Variants in GPR158 observed in about 807,000 individuals in gnomAD.
The protein encoded by GPR158 is G protein-coupled receptor 158.
In GPR158, 30 loss-of-function variants were observed where a neutral mutation model predicts 78.2. The ratio of observed to expected loss-of-function variants is 0.38; its 90% CI spans 0.29 to 0.52. The LOEUF (loss-of-function observed/expected upper bound fraction) is 0.52, where lower values mean the gene tolerates loss of function less well. Among genes scored for constraint, GPR158 ranks in the 20% least tolerant of loss-of-function variants. The probability of loss-of-function intolerance (pLI) is 0.83; values close to 1 mark genes in which losing one functional copy is unlikely to be tolerated. For missense variants in GPR158, 1,463 were observed against 1,523.5 expected, an observed-to-expected ratio of 0.96 and a Z score of 0.66; for synonymous variants, 581 against 591.1, an observed-to-expected ratio of 0.98 and a Z score of 0.25.
intron 2 of GPR158, among the ~76,000 whole-genome samples, chr10:25,370,069 T>C (rs1300927008): frequency 6.7e-6 from 1 of 149,754 alleles, no homozygotes; most frequent in Non-Finnish European, 1.5e-5. Context: ...TTTTTCTTTA[T>C]TAGTCTTGCT....
chr10:25,584,779 A>G (rs1446622868), intron 7 of GPR158, among the ~76,000 whole-genome samples: 2 of 152,214 alleles, frequency 1.3e-5, no homozygotes, highest in Non-Finnish European at 1.5e-5. Context: ...TAGATCACTT[A>G]TAAGCCTGTT....
intron 1 of GPR158, among the ~76,000 whole-genome samples, chr10:25,191,426 A>G (rs1852770577): frequency 6.6e-6 from 1 of 152,218 alleles, no homozygotes. Context: ...GGGCATAAAG[A>G]TCACCTGAAG....
At chr10:25,415,033 G>GGATC (rs1452005788) in intron 4 of GPR158, among the ~76,000 whole-genome samples, 1 of 152,004 alleles carries the variant, frequency 6.6e-6, no homozygotes, top group African/African-American at 2.4e-5. Context: ...AAATTAAAAT[G>GGATC]GATCATAGAT....
intron 2 of GPR158, among the ~76,000 whole-genome samples, chr10:25,282,077 C>A (rs906497372): frequency 6.6e-6 from 1 of 152,130 alleles, no homozygotes; most frequent in Non-Finnish European, 1.5e-5. Context: ...AATCAAGCAA[C>A]AAAACAGGTC....
intron 4 of GPR158, among the ~76,000 whole-genome samples, chr10:25,432,486 A>G (rs184211251): frequency 1.2e-3 from 181 of 152,330 alleles, no homozygotes; most frequent in African/African-American, 4.2e-3. Flanking sequence ...ATATATGTAC[A>G]TATACTTATA....
intron 2 of GPR158, among the ~76,000 whole-genome samples, chr10:25,239,467 G>A (rs1008359955): frequency 6.6e-6 from 1 of 152,062 alleles, no homozygotes; most frequent in Non-Finnish European, 1.5e-5. Flanking sequence ...AATGAGCCGG[G>A]CATGGTGGCA....
chr10:25,586,839 A>C (rs573037222), intron 7 of GPR158, among the ~76,000 whole-genome samples: 3 of 152,190 alleles, frequency 2.0e-5, no homozygotes, highest in Non-Finnish European at 4.4e-5. Flanking sequence ...TGTTATGAAG[A>C]GTGTGTTAAC....
At position 25,596,514 on chromosome 10, in the gene GPR158, T is replaced by G. The variant is rs572936059; in HGVS notation, c.1999-129T>G. On this transcript the variant is annotated intron_variant, in intron 9 of 10. Coordinates refer to ENST00000376351, the MANE Select transcript of GPR158 (RefSeq NM_020752.3). The stretch of plus-strand genomic sequence containing the variant: ...CTCTCTCTATCTATCTATCTATATA[T>G]ATAGATAGATAGATAGATCTAGGTA... 82 of 628,456 alleles carry G rather than the reference T, an allele frequency of 1.3e-4. 1 individual carries two copies. Among genetic ancestry groups the G allele is most frequent in the Middle Eastern group, 4.3e-4 (1 of 2,334 alleles). The allele number at this position is 628,456 out of a possible 1,614,324, so 38.9% of individuals were successfully genotyped here. A position where few individuals can be genotyped will look rare whatever the true frequency, so the allele number is the denominator to read the frequency against.
At chr10:25,313,253 TG>T (rs1215246986) in intron 2 of GPR158, among the ~76,000 whole-genome samples, 1 of 80,642 alleles carries the variant, frequency 1.2e-5, no homozygotes, top group African/African-American at 5.0e-5. Flanking sequence ...TGTTGTGGGG[TG>T]GGGGGAGGGG....
At chr10:25,307,266 C>G (rs1854690552) in intron 2 of GPR158, among the ~76,000 whole-genome samples, 1 of 150,576 alleles carries the variant, frequency 6.6e-6, no homozygotes, top group East Asian at 2.0e-4. Flanking sequence ...TGCAACTAAG[C>G]TACTTCATCA....
At chr10:25,437,585 T>C (rs1419555448) in intron 4 of GPR158, among the ~76,000 whole-genome samples, 2 of 152,200 alleles carry the variant, frequency 1.3e-5, no homozygotes, top group African/African-American at 4.8e-5. Flanking sequence ...TCTATTCATA[T>C]GGAAAAATAC....
chr10:25,465,281 AT>A (rs1835406875), intron 4 of GPR158, among the ~76,000 whole-genome samples: 1 of 152,162 alleles, frequency 6.6e-6, no homozygotes, highest in African/African-American at 2.4e-5. Flanking sequence ...TACATTTTGT[AT>A]TATATTTAGT....
chr10:25,427,883 G>T (rs1338352772), intron 4 of GPR158, among the ~76,000 whole-genome samples: 1 of 151,960 alleles, frequency 6.6e-6, no homozygotes, highest in Non-Finnish European at 1.5e-5. Context: ...CCAGTGTAGG[G>T]CTGATTAGGT....
intron 1 of GPR158, among the ~76,000 whole-genome samples, chr10:25,178,936 T>G (rs1250159501): frequency 6.6e-6 from 1 of 152,230 alleles, no homozygotes; most frequent in East Asian, 1.9e-4. Context: ...AATATATACC[T>G]AATGCAAGTG....
At chr10:25,557,357 T>G (rs1195999118) in intron 6 of GPR158, among the ~76,000 whole-genome samples, 1 of 152,230 alleles carries the variant, frequency 6.6e-6, no homozygotes, top group Non-Finnish European at 1.5e-5. Context: ...GCAGTCTGTC[T>G]GGAGCTTCCT....
intron 2 of GPR158, among the ~76,000 whole-genome samples, chr10:25,271,050 T>G (rs868070969): frequency 1.1e-4 from 16 of 152,318 alleles, no homozygotes; most frequent in Middle Eastern, 3.4e-3. Flanking sequence ...TTGGCTTTCT[T>G]TTAGCTCCTC....
At chr10:25,423,888 G>C (rs1455838704) in intron 4 of GPR158, among the ~76,000 whole-genome samples, 1 of 152,224 alleles carries the variant, frequency 6.6e-6, no homozygotes, top group African/African-American at 2.4e-5. Flanking sequence ...ATAATCCTTT[G>C]GGTATATACC....
chr10:25,406,596 G>A lies in GPR158; in HGVS notation c.1112-5654G>A, dbSNP rs114296618. Among the ~76,000 whole-genome samples, 817 of 152,224 alleles carry A rather than the reference G, an allele frequency of 5.4e-3. 9 individuals carry two copies. Among genetic ancestry groups the A allele is most frequent in the African/African-American group, 0.019 (789 of 41,526 alleles). On this transcript the variant is annotated intron_variant, in intron 3 of 10. Coordinates refer to ENST00000376351, the MANE Select transcript of GPR158 (RefSeq NM_020752.3). Reference sequence around the variant, plus strand: ...AGTGCTATGAAGTTAAAAGTTAAATGTCTTTCTTATTGGAAGAAAACAAAT... The same window carrying A: ...AGTGCTATGAAGTTAAAAGTTAAATATCTTTCTTATTGGAAGAAAACAAAT...
rs1333220851 is a variant in GPR158 at position 25,185,852 on chromosome 10, C to T, written c.902+9530C>T. Reference sequence around the variant, plus strand: ...GGATATCCTTGTTAACTTTCTGTCTCGTCAGCTCTGCACCAAGCGGACTTA... The same window carrying T: ...GGATATCCTTGTTAACTTTCTGTCTTGTCAGCTCTGCACCAAGCGGACTTA... On this transcript the variant is annotated intron_variant, in intron 1 of 10. Transcript: ENST00000376351. Among the ~76,000 whole-genome samples, 7 of 151,860 alleles carry T rather than the reference C, an allele frequency of 4.6e-5. No homozygotes were observed. The East Asian group carries it at 5.8e-4, about 13-fold the overall frequency.
Sources: gnomAD v4.1 joint callset for allele counts (sites outside exome capture counted in the v4.1 genomes callset) on GRCh38, gnomAD v4.1.1 for gene constraint, MANE v1.5 for transcripts, NCBI Gene and HGNC (gene_info 2026-07-23, HGNC 2026-07-21) for gene names.